Variants in GLIS3 observed in about 807,000 individuals in gnomAD.
The protein encoded by GLIS3 is zinc finger protein GLIS3.
GLIS3 carries 53 observed loss-of-function variants against 78.6 expected under a neutral mutation model. The ratio of observed to expected loss-of-function variants is 0.67; its 90% confidence interval spans 0.54 to 0.85. GLIS3 has a LOEUF of 0.85. GLIS3 is among the 40% of genes least tolerant of loss of function. GLIS3 has a pLI of 0.00. For synonymous variants in GLIS3, 684 were observed against 509.9 expected, an observed-to-expected ratio of 1.34 and a Z score of -4.60; for missense variants, 1,703 against 1,231.1, an observed-to-expected ratio of 1.38 and a Z score of -5.74.
intron 1 of GLIS3, among the ~76,000 whole-genome samples, chr9:4,295,252 T>A (rs1033410759): frequency 6.6e-6 from 1 of 152,092 alleles, no homozygotes; most frequent in African/African-American, 2.4e-5. Flanking sequence ...GTTGCCTTAG[T>A]GGAAGGAACG....
chr9:3,943,121 C>A (rs1816055638), intron 4 of GLIS3, among the ~76,000 whole-genome samples: 1 of 152,204 alleles, frequency 6.6e-6, no homozygotes, highest in African/African-American at 2.4e-5. Context: ...CGCATTTGGA[C>A]ATACGGGTCA....
intron 2 of GLIS3, among the ~76,000 whole-genome samples, chr9:4,169,434 G>A (rs1447338141): frequency 6.6e-6 from 1 of 152,210 alleles, no homozygotes; most frequent in African/African-American, 2.4e-5. Context: ...AGGAGAATGA[G>A]TTGGAAGATC....
intron 4 of GLIS3, among the ~76,000 whole-genome samples, chr9:4,073,104 C>T (rs1827749639): frequency 6.6e-6 from 1 of 152,022 alleles, no homozygotes; most frequent in Non-Finnish European, 1.5e-5. Context: ...GGAAAGCAGG[C>T]TTATAACCTT....
At chr9:4,487,450 T>C in the GLIS3 span, among the ~76,000 whole-genome samples, 1 of 152,066 alleles carries the variant, frequency 6.6e-6, no homozygotes, top group Non-Finnish European at 1.5e-5. Flanking sequence ...AACTGAGACA[T>C]AAAAAATTTA....
At chr9:4,046,891 G>A (rs367843247) in intron 4 of GLIS3, among the ~76,000 whole-genome samples, 11 of 152,302 alleles carry the variant, frequency 7.2e-5, no homozygotes, top group African/African-American at 2.4e-4. Flanking sequence ...CACAATTAGG[G>A]ATGAAAGCTG....
rs750401958 is a variant in GLIS3 at position 4,280,032 on chromosome 9, A to T, written c.388+6006T>A. ...AATATGGATTACTATTTATTTATTT[A>T]TGTTTGAGGCAGGGTCTCACTCTGT... On this transcript the variant is annotated intron_variant, in intron 2 of 10. Coordinates refer to ENST00000381971, the MANE Select transcript of GLIS3 (RefSeq NM_001042413.2). Among the ~76,000 whole-genome samples, 125 of 152,298 alleles carry T rather than the reference A, an allele frequency of 8.2e-4. 1 individual carries two copies. Among genetic ancestry groups the T allele is most frequent in the Non-Finnish European group, 1.0e-3 (70 of 68,028 alleles).
intron 4 of GLIS3, among the ~76,000 whole-genome samples, chr9:4,043,961 C>A (rs531460256): frequency 6.6e-6 from 1 of 152,276 alleles, no homozygotes; most frequent in East Asian, 1.9e-4. Context: ...CACCCACAGC[C>A]GGCTGTTGTC....
chr9:4,249,651 C>G (rs1824161961), intron 2 of GLIS3, among the ~76,000 whole-genome samples: 1 of 152,176 alleles, frequency 6.6e-6, no homozygotes, highest in South Asian at 2.1e-4. Context: ...ACTTCCAATA[C>G]TATGTTGAAT....
the GLIS3 span, among the ~76,000 whole-genome samples, chr9:4,435,750 C>T: frequency 4.6e-5 from 7 of 152,130 alleles, no homozygotes; most frequent in East Asian, 1.2e-3. Flanking sequence ...GAGATGGAGA[C>T]CATCCTGGCT....
At position 4,083,910 on chromosome 9, in the gene GLIS3, T is replaced by C. The variant is rs544921032; in HGVS notation, c.1710+33858A>G. 1.1e-4 allele frequency among the ~76,000 whole-genome samples: 16 copies of C among 152,302 alleles called. No homozygotes were observed. In the East Asian group the frequency reaches 3.1e-3, roughly 29 times the overall value. On this transcript the variant is annotated intron_variant, in intron 4 of 10. Transcript: ENST00000381971. ...ATGCCAGAATAAAAGCCAACGCATG[T>C]AGAAATCATCTCTAGAGAAAGAAAC...
At chr9:4,054,908 T>G (rs1826021543) in intron 4 of GLIS3, among the ~76,000 whole-genome samples, 1 of 152,170 alleles carries the variant, frequency 6.6e-6, no homozygotes, top group African/African-American at 2.4e-5. Flanking sequence ...AGGAAGATAT[T>G]GGTCCAAATA....
intron 2 of GLIS3, among the ~76,000 whole-genome samples, chr9:4,229,414 A>C (rs1343547787): frequency 6.6e-6 from 1 of 152,260 alleles, no homozygotes; most frequent in Admixed American, 6.5e-5. Context: ...GGTTAGCATG[A>C]CCAGAGTTCT....
chr9:4,331,304 C>T (rs1424641158), intron 2 of GLIS3, among the ~76,000 whole-genome samples: 1 of 152,108 alleles, frequency 6.6e-6, no homozygotes, highest in Non-Finnish European at 1.5e-5. Context: ...GTCTCTGAGT[C>T]CTCTCCTTGT....
intron 4 of GLIS3, among the ~76,000 whole-genome samples, chr9:3,998,814 T>G (rs952409637): frequency 6.7e-6 from 1 of 149,658 alleles, no homozygotes; most frequent in Non-Finnish European, 1.5e-5. Context: ...TTTATTAAAA[T>G]ATATTGGTTC....
chr9:4,486,760 G>T, the GLIS3 span, among the ~76,000 whole-genome samples: 3 of 152,184 alleles, frequency 2.0e-5, no homozygotes, highest in African/African-American at 7.2e-5. Context: ...TGCAATCATA[G>T]CTCCCTGCAA....
intron 2 of GLIS3, among the ~76,000 whole-genome samples, chr9:4,345,163 T>C (rs1440354877): frequency 6.6e-6 from 1 of 152,188 alleles, no homozygotes; most frequent in African/African-American, 2.4e-5. Context: ...ATCTGACTCA[T>C]CCTTTCCTGC....
intron 9 of GLIS3, among the ~76,000 whole-genome samples, chr9:3,843,323 C>G (rs1489976224): frequency 1.3e-5 from 2 of 152,202 alleles, no homozygotes; most frequent in Non-Finnish European, 2.9e-5. Context: ...ATTTTTCCCT[C>G]CGAACCTCTG....
At chr9:3,898,417 A>G (rs774152157) in intron 7 of GLIS3, 1 of 472,972 alleles carries the variant, frequency 2.1e-6, no homozygotes, top group Non-Finnish European at 3.9e-6. Context: ...TAAATGTAAC[A>G]TAACTGCGAG....
intron 2 of GLIS3, among the ~76,000 whole-genome samples, chr9:4,197,340 G>C (rs947986091): frequency 6.6e-6 from 1 of 152,100 alleles, no homozygotes; most frequent in African/African-American, 2.4e-5. Context: ...AGCCTAAACT[G>C]CCCTACCCTC....
Sources: allele counts gnomAD v4.1 joint callset (sites outside exome capture counted in the v4.1 genomes callset), GRCh38; gene constraint gnomAD v4.1.1; transcripts MANE v1.5; gene names NCBI Gene and HGNC (gene_info 2026-07-23, HGNC 2026-07-21).